The following LMBR1 variants were observed in gnomAD, a reference collection of about 807,000 sequenced individuals.
The protein encoded by LMBR1 is limb development membrane protein 1.
Under a neutral mutation model 73.9 loss-of-function variants are expected in LMBR1, and 52 were observed. The ratio of observed to expected loss-of-function variants is 0.70; its 90% CI spans 0.56 to 0.89. The LOEUF (loss-of-function observed/expected upper bound fraction) is 0.89, where lower values mean the gene tolerates loss of function less well. LMBR1 is among the 40% of genes least tolerant of loss of function. The pLI is 0.00. For synonymous variants in LMBR1, 215 were observed against 209.4 expected (o/e 1.03, Z -0.23); for missense variants, 539 against 579.8 (o/e 0.93, Z 0.72).
intron 4 of LMBR1, among the ~76,000 whole-genome samples, chr7:156,800,482 C>CTAAAAAAAAAA (rs1830757369): frequency 1.2e-5 from 1 of 81,034 alleles, no homozygotes; most frequent in Non-Finnish European, 2.4e-5. Flanking sequence ...ACTTGCTACT[C>CTAAAAAAAAAA]AAAAAAAAAA....
intron 15 of LMBR1, among the ~76,000 whole-genome samples, chr7:156,690,116 A>G (rs1806859413): frequency 6.6e-6 from 1 of 152,222 alleles, no homozygotes; most frequent in South Asian, 2.1e-4. Flanking sequence ...CCTTGCCCAG[A>G]TGCTCTATAC....
intron 15 of LMBR1, among the ~76,000 whole-genome samples, chr7:156,706,171 AGAC>A (rs1810889001): frequency 1.3e-5 from 2 of 151,576 alleles, no homozygotes; most frequent in African/African-American, 2.4e-5. Flanking sequence ...AAAAAAAAAA[AGAC>A]AACAAAGGTC....
At chr7:156,784,164 A>G (rs1007912437) in intron 5 of LMBR1, among the ~76,000 whole-genome samples, 1 of 152,142 alleles carries the variant, frequency 6.6e-6, no homozygotes. Flanking sequence ...ATAATATATT[A>G]AAAGTCTCCT....
At chr7:156,821,665 A>G (rs1834820642) in intron 4 of LMBR1, among the ~76,000 whole-genome samples, 1 of 152,214 alleles carries the variant, frequency 6.6e-6, no homozygotes, top group African/African-American at 2.4e-5. Context: ...AAAAAATGTG[A>G]AAGTATTTGT....
At chr7:156,749,647 T>C (rs1156755512) in intron 9 of LMBR1, among the ~76,000 whole-genome samples, 1 of 152,210 alleles carries the variant, frequency 6.6e-6, no homozygotes, top group African/African-American at 2.4e-5. Flanking sequence ...CAATATAATC[T>C]GTGCTTTTAA....
Position 156,670,076 on chromosome 7 carries a change from T to A in LMBR1, n.867-789A>T, listed in dbSNP as rs1802144352. On this transcript the variant is annotated intron_variant and non_coding_transcript_variant, in intron 4 of 4. Coordinates refer to the LMBR1 transcript ENST00000430825. This position sits in a 1 kb window ranked among gnomAD's most constrained non-coding sequence, Gnocchi z 4.3. ...TATTTAATGTTATTCTAAGAAAAAA[T>A]TAAATTATAAATTTTATGACTTTCA... Among the ~76,000 whole-genome samples, 1 of 152,232 alleles carries A rather than the reference T, an allele frequency of 6.6e-6. No homozygotes were observed. The highest frequency in any genetic ancestry group is 1.5e-5 in the Non-Finnish European group (1 of 68,052).
chr7:156,825,525 T>C (rs1422921677), intron 4 of LMBR1, among the ~76,000 whole-genome samples: 1 of 152,146 alleles, frequency 6.6e-6, no homozygotes, highest in Non-Finnish European at 1.5e-5. Context: ...GCCTTTAATA[T>C]ATACACCAAC....
At chr7:156,716,370 T>C (rs930507161) in intron 15 of LMBR1, among the ~76,000 whole-genome samples, 2 of 152,220 alleles carry the variant, frequency 1.3e-5, no homozygotes, top group Admixed American at 1.3e-4. Flanking sequence ...TGCAACAATT[T>C]CATTTTGTTC....
At chr7:156,852,883 GA>G (rs1796429120) in intron 1 of LMBR1, among the ~76,000 whole-genome samples, 1 of 151,688 alleles carries the variant, frequency 6.6e-6, no homozygotes, top group Non-Finnish European at 1.5e-5. Flanking sequence ...AAGTACAGAA[GA>G]TAAGCACAGA....
At chr7:156,676,716 A>C, downstream of LMBR1, 1 of 1,254,984 alleles carries the variant, frequency 8.0e-7, no homozygotes, top group Non-Finnish European at 1.2e-6. Context: ...ATTTTGGATG[A>C]ACTGCATGAG....
At chr7:156,744,968 C>T (rs1375222638) in intron 9 of LMBR1, among the ~76,000 whole-genome samples, 2 of 152,136 alleles carry the variant, frequency 1.3e-5, no homozygotes, top group African/African-American at 4.8e-5. Context: ...ACCATCTCAG[C>T]CTTCACTTAT....
At chr7:156,684,396 C>T (rs140011109) in intron 16 of LMBR1, among the ~76,000 whole-genome samples, 472 of 152,214 alleles carry the variant, frequency 3.1e-3, no homozygotes, top group Non-Finnish European at 5.6e-3. Flanking sequence ...CCTTCCAGGA[C>T]AGCACGTGAG....
At chr7:156,835,212 T>A (rs2886451) in intron 2 of LMBR1, among the ~76,000 whole-genome samples, 11,387 of 152,130 alleles carry the variant, frequency 0.075, 490 homozygotes, top group East Asian at 0.14. Context: ...CCTCCAAGAC[T>A]CTCTGCTCAG....
chr7:156,707,951 C>A (rs1301418209), intron 15 of LMBR1, among the ~76,000 whole-genome samples: 1 of 151,174 alleles, frequency 6.6e-6, no homozygotes, highest in Non-Finnish European at 1.5e-5. Context: ...TGGATCCCCC[C>A]ACAAAAAAGC....
chr7:156,823,508 G>A (rs1835131782), intron 4 of LMBR1: 2 of 152,158 alleles, frequency 1.3e-5, no homozygotes, highest in South Asian at 4.1e-4. Context: ...GTTTACTGGT[G>A]AAGTGAAATG....
intron 1 of LMBR1, among the ~76,000 whole-genome samples, chr7:156,889,293 G>A (rs191017288): frequency 6.6e-6 from 1 of 152,228 alleles, no homozygotes; most frequent in African/African-American, 2.4e-5. Context: ...GGATAGTGGT[G>A]GTGGTTGCAC....
intron 9 of LMBR1, among the ~76,000 whole-genome samples, chr7:156,735,572 T>C (rs1449414922): frequency 6.9e-6 from 1 of 145,836 alleles, no homozygotes; most frequent in African/African-American, 2.5e-5. Flanking sequence ...CATTATGCAA[T>C]TGTATTTGAC....
At chr7:156,696,352 C>T (rs963004301) in intron 15 of LMBR1, among the ~76,000 whole-genome samples, 14 of 152,046 alleles carry the variant, frequency 9.2e-5, no homozygotes, top group African/African-American at 3.1e-4. Context: ...AAACAGCCCT[C>T]AAAGTTAAAT....
intron 2 of LMBR1, 114 bp from the exon 3 acceptor site, chr7:156,833,906 A>C: frequency 3.0e-6 from 2 of 666,972 alleles, no homozygotes; most frequent in South Asian, 4.3e-5. Context: ...GAACAGAAAC[A>C]ATTTTCAAAA....
Sources: allele counts gnomAD v4.1 joint callset (sites outside exome capture counted in the v4.1 genomes callset), GRCh38; gene constraint gnomAD v4.1.1; non-coding constraint Gnocchi (gnomAD v3.1); transcripts MANE v1.5; gene names NCBI Gene and HGNC (gene_info 2026-07-23, HGNC 2026-07-21).